The following ARSJ variants were observed in gnomAD, a reference collection of about 807,000 sequenced individuals.
ARSJ encodes arylsulfatase family member J, also known as arylsulfatase J.
Under a neutral mutation model 35.9 loss-of-function variants are expected in ARSJ, and 26 were observed. The observed-to-expected ratio is 0.72, with a 90% confidence interval of 0.53 to 1.00. The LOEUF is 1.00. ARSJ is among the 50% of genes least tolerant of loss of function. ARSJ has a pLI of 0.00. For synonymous variants in ARSJ, 294 were observed against 267.6 expected, an observed-to-expected ratio of 1.10 and a Z score of -0.96; for missense variants, 667 against 723.6, an observed-to-expected ratio of 0.92 and a Z score of 0.90.
At chr4:113,968,985 G>A (rs1489000438) in intron 1 of ARSJ, among the ~76,000 whole-genome samples, 1 of 152,108 alleles carries the variant, frequency 6.6e-6, no homozygotes, top group Non-Finnish European at 1.5e-5. Context: ...TGTAGCCCCA[G>A]GGGTGAGTTG....
intron 1 of ARSJ, among the ~76,000 whole-genome samples, chr4:113,975,948 A>G (rs1336712038): frequency 6.6e-6 from 1 of 152,130 alleles, no homozygotes; most frequent in Non-Finnish European, 1.5e-5. Context: ...CTACAACTTG[A>G]GAACTACTAT....
chr4:113,967,883 T>A (rs1594512857), intron 1 of ARSJ, among the ~76,000 whole-genome samples: 1 of 152,284 alleles, frequency 6.6e-6, no homozygotes, highest in East Asian at 1.9e-4. Flanking sequence ...AAAATGTCAT[T>A]CTGACATTTT....
intron 1 of ARSJ, among the ~76,000 whole-genome samples, chr4:113,975,780 T>A (rs1727554944): frequency 6.6e-6 from 1 of 152,208 alleles, no homozygotes; most frequent in Non-Finnish European, 1.5e-5. Context: ...CATTTAATAC[T>A]AACAGTCTTA....
intron 1 of ARSJ, among the ~76,000 whole-genome samples, chr4:113,912,618 TA>T (rs1339524957): frequency 1.3e-5 from 2 of 152,164 alleles, no homozygotes; most frequent in African/African-American, 4.8e-5. Context: ...ATTACATTTT[TA>T]CAAAAAAATG....
Position 113,978,874 on chromosome 4 carries a change from G to A in ARSJ, c.-40C>T. On this transcript the variant is annotated 5_prime_UTR_variant, in exon 1 of 2. Transcript: ENST00000315366. Reference sequence around the variant, plus strand: ...GGTGAGACTCCACGCGGAGAACCACGCGCCCCGCGCCGCTGCGGGCGCACA... The same window carrying A: ...GGTGAGACTCCACGCGGAGAACCACACGCCCCGCGCCGCTGCGGGCGCACA... 1 of 1,540,598 alleles carries A rather than the reference G, an allele frequency of 6.5e-7. No homozygotes were observed. Among genetic ancestry groups the A allele is most frequent in the Middle Eastern group, 1.8e-4 (1 of 5,630 alleles).
chr4:113,915,110 G>T (rs1723211717), intron 1 of ARSJ, among the ~76,000 whole-genome samples: 1 of 152,042 alleles, frequency 6.6e-6, no homozygotes, highest in Non-Finnish European at 1.5e-5. Flanking sequence ...TAGGCTGCAG[G>T]TATCATTAAA....
intron 1 of ARSJ, among the ~76,000 whole-genome samples, chr4:113,929,434 G>A (rs1363514175): frequency 6.6e-6 from 1 of 152,084 alleles, no homozygotes; most frequent in African/African-American, 2.4e-5. Flanking sequence ...CATGGGTTGG[G>A]GCAGGAGGGA....
chr4:113,932,266 G>T (rs912020950), intron 1 of ARSJ, among the ~76,000 whole-genome samples: 2 of 151,946 alleles, frequency 1.3e-5, no homozygotes, highest in Non-Finnish European at 2.9e-5. Context: ...TGTAATCATA[G>T]TAGCGAACTT....
intron 1 of ARSJ, 68 bp downstream of exon 1, chr4:113,978,369 G>A: frequency 7.1e-7 from 1 of 1,414,036 alleles, no homozygotes; most frequent in Non-Finnish European, 9.5e-7. Context: ...CCTTAAATTT[G>A]GAGCTGGATC....
intron 1 of ARSJ, among the ~76,000 whole-genome samples, chr4:113,971,397 T>C (rs760935528): frequency 4.6e-5 from 7 of 152,222 alleles, no homozygotes; most frequent in Non-Finnish European, 1.0e-4. Flanking sequence ...GGAAACTCAA[T>C]AGAATTATCT....
chr4:113,919,299 T>G (rs572272542), intron 1 of ARSJ, among the ~76,000 whole-genome samples: 1 of 152,016 alleles, frequency 6.6e-6, no homozygotes, highest in South Asian at 2.1e-4. Flanking sequence ...CAGTCTTATA[T>G]AGTGAAATCT....
intron 1 of ARSJ, chr4:113,970,336 T>G (rs1158152212): frequency 6.6e-6 from 1 of 152,234 alleles, no homozygotes; most frequent in Non-Finnish European, 1.5e-5. Flanking sequence ...AAGTTTAGGT[T>G]TAAATAGCTC....
intron 1 of ARSJ, among the ~76,000 whole-genome samples, chr4:113,948,421 T>C (rs1725639084): frequency 6.6e-6 from 1 of 152,130 alleles, no homozygotes; most frequent in African/African-American, 2.4e-5. Flanking sequence ...TCAGAAATTT[T>C]CTTAGCATTA....
chr4:113,943,048 G>C (rs1181790471), intron 1 of ARSJ, among the ~76,000 whole-genome samples: 1 of 152,002 alleles, frequency 6.6e-6, no homozygotes, highest in African/African-American at 2.4e-5. Flanking sequence ...TCAGTGTCAA[G>C]GTTTATATGG....
chr4:113,957,111 A>C (rs1314098986), intron 1 of ARSJ, among the ~76,000 whole-genome samples: 1 of 152,104 alleles, frequency 6.6e-6, no homozygotes, highest in Non-Finnish European at 1.5e-5. Flanking sequence ...AATTGTAGGC[A>C]GTTCATAATA....
chr4:113,911,938 T>C (rs926450935), intron 1 of ARSJ, among the ~76,000 whole-genome samples: 14 of 152,178 alleles, frequency 9.2e-5, no homozygotes, highest in Admixed American at 2.0e-4. Flanking sequence ...CTTAAATATA[T>C]ACAATAAAAT....
intron 1 of ARSJ, among the ~76,000 whole-genome samples, chr4:113,931,721 C>T (rs1724465712): frequency 6.6e-6 from 1 of 151,832 alleles, no homozygotes; most frequent in Non-Finnish European, 1.5e-5. Flanking sequence ...GTAATAATTG[C>T]AAGACCAAAT....
chr4:113,968,430 C>A (rs777358089), intron 1 of ARSJ, among the ~76,000 whole-genome samples: 1 of 152,086 alleles, frequency 6.6e-6, no homozygotes, highest in Admixed American at 6.6e-5. Context: ...AGGAACAGAG[C>A]AGAATGCACT....
At chr4:113,942,608 T>C (rs1007022297) in intron 1 of ARSJ, among the ~76,000 whole-genome samples, 3 of 152,038 alleles carry the variant, frequency 2.0e-5, no homozygotes, top group Non-Finnish European at 4.4e-5. Context: ...CAAGGTAGTA[T>C]ACAATCAACA....
Sources: gnomAD v4.1 joint callset for allele counts (sites outside exome capture counted in the v4.1 genomes callset) on GRCh38, gnomAD v4.1.1 for gene constraint, MANE v1.5 for transcripts, NCBI Gene and HGNC (gene_info 2026-07-23, HGNC 2026-07-21) for gene names.